The following BRINP3 variants were observed in gnomAD, a reference collection of about 807,000 sequenced individuals.
BRINP3 encodes the protein BMP/retinoic acid inducible neural specific 3, also known as BMP/retinoic acid-inducible neural-specific protein 3.
In BRINP3, 19 loss-of-function variants were observed where a neutral mutation model predicts 71.0. That is an observed-to-expected ratio of 0.27 (90% CI 0.19 to 0.39). The LOEUF (loss-of-function observed/expected upper bound fraction) is 0.39, where lower values mean the gene tolerates loss of function less well. Among genes scored for constraint, BRINP3 ranks in the 10% least tolerant of loss-of-function variants. The pLI, the probability that BRINP3 is intolerant of heterozygous loss-of-function variation, is 1.00. For missense variants in BRINP3, 959 were observed against 940.8 expected, an observed-to-expected ratio of 1.02 and a Z score of -0.25; for synonymous variants, 380 against 337.7, an observed-to-expected ratio of 1.13 and a Z score of -1.37.
At chr1:190,366,235 C>T (rs1249961011) in intron 2 of BRINP3, among the ~76,000 whole-genome samples, 1 of 152,066 alleles carries the variant, frequency 6.6e-6, no homozygotes, top group Non-Finnish European at 1.5e-5. Context: ...GCTGAGGAGG[C>T]CTCAGGAAAC....
chr1:190,169,444 G>C (rs1651825280), intron 6 of BRINP3, among the ~76,000 whole-genome samples: 1 of 152,066 alleles, frequency 6.6e-6, no homozygotes, highest in African/African-American at 2.4e-5. Context: ...CTTGTTTCTG[G>C]CATAGCATCT....
chr1:190,153,645 A>G (rs2102431390), intron 7 of BRINP3, among the ~76,000 whole-genome samples: 1 of 152,340 alleles, frequency 6.6e-6, no homozygotes, highest in Non-Finnish European at 1.5e-5. Context: ...TTTCAGCAAA[A>G]GTCCCTCACA....
At chr1:190,188,290 A>G (rs1206763714) in intron 6 of BRINP3, among the ~76,000 whole-genome samples, 1 of 152,172 alleles carries the variant, frequency 6.6e-6, no homozygotes, top group Non-Finnish European at 1.5e-5. Flanking sequence ...TTTTCTGTAC[A>G]TAGATCATGT....
At chr1:190,257,626 G>T (rs550706209) in intron 4 of BRINP3, among the ~76,000 whole-genome samples, 1 of 152,158 alleles carries the variant, frequency 6.6e-6, no homozygotes, top group Admixed American at 6.5e-5. Flanking sequence ...ATCTACCTTT[G>T]GTCTTTGATG....
intron 1 of BRINP3, 50 bp from the exon 2 acceptor site, chr1:190,454,990 C>A: frequency 2.3e-6 from 2 of 881,580 alleles, no homozygotes; most frequent in Non-Finnish European, 3.5e-6. Context: ...ATTCCTTTCT[C>A]TCAGTTAAGG....
intron 5 of BRINP3, among the ~76,000 whole-genome samples, chr1:190,227,790 T>C (rs146764221): frequency 6.6e-6 from 1 of 151,974 alleles, no homozygotes; most frequent in Non-Finnish European, 1.5e-5. Flanking sequence ...TATTGTTTCA[T>C]TGCAAATGGG....
In BRINP3 at chr1:190,244,841, C is replaced by T. The variant is rs780027503; in HGVS notation, c.619-10364G>A. The stretch of plus-strand genomic sequence containing the variant: ...TCTCAAAGTGCCCACTATTTTATTT[C>T]GAGTAAATACTTCTATCAAAAATTT... On this transcript the variant is annotated intron_variant, in intron 4 of 7. Coordinates refer to ENST00000367462, the MANE Select transcript of BRINP3 (RefSeq NM_199051.3). 7.2e-5 allele frequency among the ~76,000 whole-genome samples: 11 copies of T among 152,012 alleles called. 1 individual carries two copies. The highest frequency in any genetic ancestry group is 6.2e-4 in the South Asian group (3 of 4,816).
chr1:190,179,915 G>A (rs1652879651), intron 6 of BRINP3, among the ~76,000 whole-genome samples: 1 of 152,074 alleles, frequency 6.6e-6, no homozygotes, highest in South Asian at 2.1e-4. Context: ...TCCTATCTGT[G>A]ACATAGTTTC....
intron 2 of BRINP3, among the ~76,000 whole-genome samples, chr1:190,357,011 A>G (rs1239533072): frequency 6.6e-6 from 1 of 151,978 alleles, no homozygotes; most frequent in African/African-American, 2.4e-5. Context: ...TCACAGACAC[A>G]TGGAAATGAT....
intron 7 of BRINP3, among the ~76,000 whole-genome samples, chr1:190,138,346 A>T (rs987250162): frequency 1.3e-5 from 2 of 152,196 alleles, no homozygotes; most frequent in African/African-American, 4.8e-5. Flanking sequence ...GAAGACTGCT[A>T]AACATGAGTT....
At chr1:190,348,290 G>C (rs1668154039) in intron 2 of BRINP3, among the ~76,000 whole-genome samples, 1 of 151,994 alleles carries the variant, frequency 6.6e-6, no homozygotes, top group Admixed American at 6.6e-5. Context: ...ATAAATGTTT[G>C]GGCCATTTGC....
chr1:190,170,076 G>A (rs547261585), intron 6 of BRINP3, among the ~76,000 whole-genome samples: 32 of 151,864 alleles, frequency 2.1e-4, no homozygotes, highest in Non-Finnish European at 3.7e-4. Flanking sequence ...GAGTTGACAG[G>A]AAAATAAAAT....
At chr1:190,327,706 T>G (rs1324712147) in intron 2 of BRINP3, among the ~76,000 whole-genome samples, 1 of 152,104 alleles carries the variant, frequency 6.6e-6, no homozygotes, top group Non-Finnish European at 1.5e-5. Flanking sequence ...AGTGGGGGAC[T>G]TCAATACTCC....
chr1:190,284,446 G>A (rs1663268785), intron 2 of BRINP3, among the ~76,000 whole-genome samples: 1 of 151,878 alleles, frequency 6.6e-6, no homozygotes, highest in African/African-American at 2.4e-5. Flanking sequence ...AAATATGAAT[G>A]AATAAATTGC....
chr1:190,358,669 C>T (rs1019757809), intron 2 of BRINP3, among the ~76,000 whole-genome samples: 1 of 152,106 alleles, frequency 6.6e-6, no homozygotes, highest in Non-Finnish European at 1.5e-5. Flanking sequence ...TAGGTATATA[C>T]CCAAAGAATT....
intron 7 of BRINP3, among the ~76,000 whole-genome samples, chr1:190,152,527 C>T (rs1656490664): frequency 2.6e-5 from 2 of 75,752 alleles, no homozygotes; most frequent in Admixed American, 2.8e-4. Context: ...CAGAATCTCC[C>T]CCAACCCCCC....
At chr1:190,111,201 A>AAAAAAG (rs1652659673) in intron 7 of BRINP3, among the ~76,000 whole-genome samples, 1 of 150,194 alleles carries the variant, frequency 6.7e-6, no homozygotes, top group Non-Finnish European at 1.5e-5. Flanking sequence ...AAAAAAAAAA[A>AAAAAAG]AAAAAAACTT....
At chr1:190,243,916 T>G (rs1659342536) in intron 4 of BRINP3, among the ~76,000 whole-genome samples, 1 of 152,124 alleles carries the variant, frequency 6.6e-6, no homozygotes, top group African/African-American at 2.4e-5. Context: ...TTTTACTTTT[T>G]AATCTTTATT....
At chr1:190,194,030 T>A (rs1654271598) in intron 6 of BRINP3, among the ~76,000 whole-genome samples, 1 of 152,100 alleles carries the variant, frequency 6.6e-6, no homozygotes, top group Non-Finnish European at 1.5e-5. Flanking sequence ...GCAATAGTCT[T>A]AAATAAAGCT....
Sources: allele counts gnomAD v4.1 joint callset (sites outside exome capture counted in the v4.1 genomes callset), GRCh38; gene constraint gnomAD v4.1.1; transcripts MANE v1.5; gene names NCBI Gene and HGNC (gene_info 2026-07-23, HGNC 2026-07-21).